Variants in CHL1 observed in about 807,000 individuals in gnomAD.
The protein encoded by CHL1 is neural cell adhesion molecule L1-like protein.
A neutral mutation model predicts 141.9 loss-of-function variants in CHL1; 96 were observed. The ratio of observed to expected loss-of-function variants is 0.68; its 90% CI spans 0.57 to 0.80. The LOEUF is 0.80. CHL1 is among the 30% of genes least tolerant of loss of function. CHL1 has a pLI of 0.00. For missense variants in CHL1, 1,820 were observed against 1,457.2 expected (o/e 1.25, Z -4.05); for synonymous variants, 613 against 502.2 (o/e 1.22, Z -2.95).
intron 1 of CHL1, among the ~76,000 whole-genome samples, chr3:222,571 T>G (rs1395610740): frequency 6.6e-6 from 1 of 152,154 alleles, no homozygotes; most frequent in Non-Finnish European, 1.5e-5. Context: ...TAGGGAAAAG[T>G]AAATGGATCC....
chr3:293,577 A>G (rs1697905086), intron 2 of CHL1, among the ~76,000 whole-genome samples: 1 of 152,172 alleles, frequency 6.6e-6, no homozygotes, highest in African/African-American at 2.4e-5. Flanking sequence ...ATATAAAATA[A>G]ACAAAAAGAA....
chr3:343,132 C>A, intron 8 of CHL1, 101 bp downstream of exon 8: 1 of 867,086 alleles, frequency 1.2e-6, no homozygotes, highest in Non-Finnish European at 1.8e-6. Context: ...TATTACAATA[C>A]TGTTATTATG....
At chr3:207,198 T>G (rs923668543) in intron 1 of CHL1, among the ~76,000 whole-genome samples, 3 of 152,242 alleles carry the variant, frequency 2.0e-5, no homozygotes, top group Admixed American at 6.5e-5. Flanking sequence ...AAGATATGCA[T>G]AATATAAATA....
intron 1 of CHL1, among the ~76,000 whole-genome samples, chr3:239,278 C>T (rs1460358285): frequency 1.3e-5 from 2 of 152,216 alleles, no homozygotes; most frequent in African/African-American, 4.8e-5. Context: ...TTCCTCCAAG[C>T]CATTCTGCAA....
chr3:331,648 G>A (rs1701447628), intron 5 of CHL1, among the ~76,000 whole-genome samples: 1 of 151,948 alleles, frequency 6.6e-6, no homozygotes, highest in African/African-American at 2.4e-5. Context: ...ACTCTAGGAA[G>A]AAAGTACAAA....
chr3:324,672 T>A (rs1159004268), intron 3 of CHL1, among the ~76,000 whole-genome samples: 1 of 151,932 alleles, frequency 6.6e-6, no homozygotes, highest in South Asian at 2.1e-4. Context: ...AGAGTCTCAC[T>A]CTGTCACCCA....
intron 21 of CHL1, 31 bp downstream of exon 21, chr3:390,847 G>T: frequency 6.6e-7 from 1 of 1,507,454 alleles, no homozygotes; most frequent in South Asian, 1.1e-5. Flanking sequence ...TCCTCTTCTT[G>T]TTGAATTGGT....
chr3:392,933 A>G (rs1468525273), intron 23 of CHL1, among the ~76,000 whole-genome samples: 1 of 140,816 alleles, frequency 7.1e-6, no homozygotes, highest in African/African-American at 2.5e-5. Context: ...TACTATCACT[A>G]TTTTATGAAT....
intron 2 of CHL1, among the ~76,000 whole-genome samples, chr3:272,859 A>G (rs1344324942): frequency 6.6e-6 from 1 of 152,172 alleles, no homozygotes; most frequent in Non-Finnish European, 1.5e-5. Context: ...TGCTAGAGAT[A>G]GAGAGGTGAA....
intron 1 of CHL1, among the ~76,000 whole-genome samples, chr3:220,529 A>C (rs1427967451): frequency 6.6e-6 from 1 of 152,032 alleles, no homozygotes; most frequent in African/African-American, 2.4e-5. Flanking sequence ...TTTTTTTAAA[A>C]AAAGGTCCAT....
intron 2 of CHL1, among the ~76,000 whole-genome samples, chr3:282,331 C>G (rs535071965): frequency 6.6e-6 from 1 of 152,214 alleles, no homozygotes; most frequent in African/African-American, 2.4e-5. Flanking sequence ...AGCCCATTAA[C>G]GTGGTATTAT....
intron 15 of CHL1, among the ~76,000 whole-genome samples, chr3:368,040 T>C (rs774956589): frequency 6.6e-6 from 1 of 152,182 alleles, no homozygotes; most frequent in Non-Finnish European, 1.5e-5. Flanking sequence ...CTATTGTAAA[T>C]AGTGCTGCAA....
intron 15 of CHL1, among the ~76,000 whole-genome samples, chr3:374,324 A>G (rs1361642123): frequency 6.6e-6 from 1 of 152,152 alleles, no homozygotes; most frequent in African/African-American, 2.4e-5. Context: ...TTTGCAATAC[A>G]GATCTCCAGC....
chr3:316,237 T>C (rs556498261), intron 2 of CHL1, among the ~76,000 whole-genome samples: 1 of 152,120 alleles, frequency 6.6e-6, no homozygotes, highest in Admixed American at 6.6e-5. Context: ...TACAGGTTGC[T>C]CTTTGTTAGA....
In CHL1 at chr3:391,670, T is replaced by C; in HGVS notation, c.2792-5T>C. On this transcript the variant is annotated splice_polypyrimidine_tract_variant and splice_region_variant and intron_variant, in intron 22 of 27. Coordinates refer to ENST00000256509, the MANE Select transcript of CHL1 (RefSeq NM_006614.4). Reference sequence around the variant, plus strand: ...TGAGTTTATTTTTGGTCTTGTGTTTTCTAGTACCTGAACAGCCAACTTTTC... The same window carrying C: ...TGAGTTTATTTTTGGTCTTGTGTTTCCTAGTACCTGAACAGCCAACTTTTC... 6.3e-7 allele frequency: 1 copy of C among 1,595,118 alleles called. No individual in the cohort carries two copies.
intron 2 of CHL1, among the ~76,000 whole-genome samples, chr3:304,398 AT>A (rs758584208): frequency 1.3e-5 from 2 of 152,048 alleles, no homozygotes; most frequent in Non-Finnish European, 2.9e-5. Context: ...TAGATTATTG[AT>A]TACTTCCTCG....
chr3:333,824 A>T (rs1311105739), intron 5 of CHL1, among the ~76,000 whole-genome samples: 2 of 152,216 alleles, frequency 1.3e-5, no homozygotes, highest in African/African-American at 4.8e-5. Context: ...AATATAAATA[A>T]TCCTAATTTG....
At chr3:294,278 C>A (rs961816157) in intron 2 of CHL1, among the ~76,000 whole-genome samples, 5 of 152,054 alleles carry the variant, frequency 3.3e-5, no homozygotes, top group Non-Finnish European at 5.9e-5. Context: ...ATGATTACAC[C>A]ACTGCTCTCC....
In CHL1 at chr3:278,615, C is replaced by CT. The variant is rs985430530; in HGVS notation, c.-95+33931dup. 5.8e-4 allele frequency among the ~76,000 whole-genome samples: 88 copies of CT among 151,962 alleles called. 1 individual carries two copies. Among genetic ancestry groups the CT allele is most frequent in the African/African-American group, 1.8e-3 (74 of 41,438 alleles). On this transcript the variant is annotated intron_variant, in intron 2 of 27. Coordinates refer to ENST00000256509, the MANE Select transcript of CHL1 (RefSeq NM_006614.4). Reference sequence around the variant, plus strand: ...ACCTGTTTTCCTGTTTGATGCGCTGCTTTTTTTTGCTTATCCGTAAAAAGG... The same window carrying CT: ...ACCTGTTTTCCTGTTTGATGCGCTGCTTTTTTTTTGCTTATCCGTAAAAAGG...
Sources: allele counts gnomAD v4.1 joint callset (sites outside exome capture counted in the v4.1 genomes callset), GRCh38; gene constraint gnomAD v4.1.1; transcripts MANE v1.5; gene names NCBI Gene and HGNC (gene_info 2026-07-23, HGNC 2026-07-21).